Variants in TTC23L observed in about 807,000 individuals in gnomAD.
The protein encoded by TTC23L is tetratricopeptide repeat domain 23 like.
In TTC23L, 42 loss-of-function variants were observed where a neutral mutation model predicts 48.1. The observed-to-expected ratio is 0.87, with a 90% confidence interval of 0.68 to 1.13. The LOEUF (loss-of-function observed/expected upper bound fraction) is 1.13. Among genes scored for constraint, TTC23L ranks in the 50% most tolerant of loss-of-function variants. TTC23L has a pLI of 0.00. For missense variants in TTC23L, 391 were observed against 421.0 expected (o/e 0.93, Z 0.62); for synonymous variants, 159 against 157.2 (o/e 1.01, Z -0.09).
Position 34,863,095 on chromosome 5 carries a change from C to G in TTC23L, c.536+41C>G. 1 of 1,610,266 alleles carries G rather than the reference C, an allele frequency of 6.2e-7. No individual in the cohort carries two copies. Among genetic ancestry groups the G allele is most frequent in the Non-Finnish European group, 8.5e-7 (1 of 1,177,796 alleles). On this transcript the variant is annotated intron_variant, in intron 5 of 10. Transcript: ENST00000505624. This position sits in a 1 kb window ranked among gnomAD's most constrained non-coding sequence, Gnocchi z 4.1. Reference sequence around the variant, plus strand: ...TAGCTGCGTTTAGTGTTCGGGGCCACAGGCCACACATGCCAGATGGGTCAT... The same window carrying G: ...TAGCTGCGTTTAGTGTTCGGGGCCAGAGGCCACACATGCCAGATGGGTCAT...
the TTC23L span, among the ~76,000 whole-genome samples, chr5:34,924,465 A>G: frequency 3.9e-5 from 6 of 152,226 alleles, no homozygotes; most frequent in Non-Finnish European, 8.8e-5. Flanking sequence ...GATTTATAAA[A>G]ACAATTTAGG....
At chr5:34,868,799 C>A in intron 7 of TTC23L, 106 bp from the exon 8 acceptor site, 1 of 870,512 alleles carries the variant, frequency 1.1e-6, no homozygotes, top group Admixed American at 2.0e-5. Flanking sequence ...GCACAAGACT[C>A]ATAGCTAGGA....
intron 9 of TTC23L, among the ~76,000 whole-genome samples, chr5:34,880,839 A>G (rs1762181675): frequency 6.6e-6 from 1 of 152,074 alleles, no homozygotes; most frequent in East Asian, 1.9e-4. Context: ...GGGTTTCTCC[A>G]TGTTGACCAG....
At chr5:34,900,308 T>C (rs1458456289), downstream of TTC23L, among the ~76,000 whole-genome samples, 5 of 152,120 alleles carry the variant, frequency 3.3e-5, no homozygotes, top group African/African-American at 7.2e-5. Context: ...ATTCTTACAA[T>C]AAGTAAACTA....
At chr5:34,914,928 G>C in the TTC23L span, 2 of 1,610,584 alleles carry the variant, frequency 1.2e-6, no homozygotes, top group East Asian at 4.5e-5. Flanking sequence ...GGATGCTCCT[G>C]GGGCCAACAA....
intron 4 of TTC23L, chr5:34,861,646 G>A (rs1006777482): frequency 5.3e-5 from 8 of 152,170 alleles, no homozygotes; most frequent in Non-Finnish European, 1.0e-4. Context: ...GAGGGCTGCA[G>A]GTATCAAAGA....
intron 9 of TTC23L, chr5:34,880,732 G>A (rs1394074385): frequency 3.2e-6 from 1 of 307,748 alleles, no homozygotes; most frequent in East Asian, 1.2e-4. Context: ...TCCGCCTCTT[G>A]GGTTCAAGAG....
At chr5:34,915,989 C>A in the TTC23L span, 2 of 1,393,114 alleles carry the variant, frequency 1.4e-6, no homozygotes, top group African/African-American at 1.5e-5. Flanking sequence ...TGCTTAATTT[C>A]AGAGTAGCCC....
At chr5:34,887,167 T>G (rs1227318408) in intron 9 of TTC23L, among the ~76,000 whole-genome samples, 1 of 152,080 alleles carries the variant, frequency 6.6e-6, no homozygotes, top group East Asian at 1.9e-4. Flanking sequence ...CCTAATGTGA[T>G]CAGAAAATAG....
At chr5:34,873,049 G>A (rs1761578935) in intron 8 of TTC23L, among the ~76,000 whole-genome samples, 1 of 151,560 alleles carries the variant, frequency 6.6e-6, no homozygotes, top group African/African-American at 2.4e-5. Context: ...GGTGACAGAG[G>A]GAGACTCCGT....
the TTC23L span, chr5:34,923,452 A>G: frequency 1.9e-6 from 1 of 535,000 alleles, no homozygotes. Flanking sequence ...TAATTTTTGT[A>G]GTTTTAGTAG....
chr5:34,843,207 T>C (rs1445988236), intron 2 of TTC23L, among the ~76,000 whole-genome samples: 1 of 152,228 alleles, frequency 6.6e-6, no homozygotes. Flanking sequence ...CAGTAAAATA[T>C]CTGGGAAATA....
At chr5:34,915,526 C>T in the TTC23L span, 1 of 536,510 alleles carries the variant, frequency 1.9e-6, no homozygotes, top group Non-Finnish European at 3.2e-6. Context: ...CGCCACTCTT[C>T]AGACCGGCCC....
the TTC23L span, chr5:34,923,259 A>G: frequency 6.8e-7 from 1 of 1,480,378 alleles, no homozygotes; most frequent in Middle Eastern, 1.7e-4. Context: ...ATTTTTAATT[A>G]TACCTTTTTT....
chr5:34,851,686 G>A (rs190783495), intron 4 of TTC23L, among the ~76,000 whole-genome samples: 162 of 152,282 alleles, frequency 1.1e-3, no homozygotes, highest in African/African-American at 3.7e-3. Flanking sequence ...GTGGCGTTCC[G>A]TGCTTCCTTA....
chr5:34,885,739 CCT>C (rs989924883), intron 9 of TTC23L, among the ~76,000 whole-genome samples: 1 of 68,268 alleles, frequency 1.5e-5, no homozygotes, highest in African/African-American at 3.9e-5. Flanking sequence ...AGAGTGAGGC[CCT>C]GTCTAAAAAA....
Position 34,887,931 on chromosome 5 carries a change from T to C in TTC23L, c.1077+7623T>C, listed in dbSNP as rs114122702. On this transcript the variant is annotated intron_variant, in intron 9 of 10. Transcript: ENST00000505624. ...GTAAGGAGAGGCTCATTTAGATTTT[T>C]ACCTGGCAATAAATTTTTGTTGGCA... is the stretch of plus-strand genomic sequence containing the variant. Among the ~76,000 whole-genome samples the C allele has an allele frequency of 4.8e-3, 729 of 152,352 alleles. 8 individuals carry two copies. The highest frequency in any genetic ancestry group is 0.016 in the African/African-American group (680 of 41,584).
At chr5:34,921,876 C>G in the TTC23L span, 2 of 150,518 alleles carry the variant, frequency 1.3e-5, no homozygotes, top group African/African-American at 5.3e-5. Flanking sequence ...CATTGCACTC[C>G]AGCCTGGGCA....
At chr5:34,846,579 ATATAT>A (rs1759177926) in intron 3 of TTC23L, among the ~76,000 whole-genome samples, 3 of 62,110 alleles carry the variant, frequency 4.8e-5, no homozygotes, top group African/African-American at 3.4e-4. Context: ...AAAAAAAAAT[ATATAT>A]ATATATATAT....
Sources: gnomAD v4.1 joint callset for allele counts (sites outside exome capture counted in the v4.1 genomes callset) on GRCh38, gnomAD v4.1.1 for gene constraint, Gnocchi (gnomAD v3.1) non-coding constraint, MANE v1.5 for transcripts, NCBI Gene and HGNC (gene_info 2026-07-23, HGNC 2026-07-21) for gene names.